Variants in NUP210 observed in about 807,000 individuals in gnomAD.
NUP210 encodes nucleoporin 210, also known as nuclear pore membrane glycoprotein 210.
Under a neutral mutation model 196.0 loss-of-function variants are expected in NUP210, and 151 were observed. The ratio of observed to expected loss-of-function variants is 0.77; its 90% confidence interval spans 0.67 to 0.88. The LOEUF is 0.88. Ranked by LOEUF, NUP210 falls within the 40% of genes least tolerant of loss-of-function variation. The pLI, the probability that NUP210 is intolerant of heterozygous loss-of-function variation, is 0.00. For missense variants in NUP210, 2,314 were observed against 2,493.7 expected, an observed-to-expected ratio of 0.93 and a Z score of 1.53; for synonymous variants, 1,070 against 1,052.7, an observed-to-expected ratio of 1.02 and a Z score of -0.32.
At chr3:13,377,342 C>T in intron 9 of NUP210, 114 bp downstream of exon 9, 4 of 742,282 alleles carry the variant, frequency 5.4e-6, no homozygotes, top group Non-Finnish European at 9.5e-6. Flanking sequence ...AACAGGACCC[C>T]TCCTCGGTCA....
At position 13,339,844 on chromosome 3, in the gene NUP210, C is replaced by A. The variant is rs200363451; in HGVS notation, c.3471+10G>T. ...CACAGCTGCCCAGTCTCCAATAGCA[C>A]GCCTGTTACCTGAGAGATGATGACC... On this transcript the variant is annotated intron_variant, in intron 25 of 39. Coordinates refer to ENST00000254508, the MANE Select transcript of NUP210 (RefSeq NM_024923.4). 1.8e-4 allele frequency: 283 copies of A among 1,608,240 alleles called. No individual in the cohort carries two copies. Among genetic ancestry groups the A allele is most frequent in the Admixed American group, 1.5e-3 (88 of 60,020 alleles).
chr3:13,382,888 T>C (rs1559338675), intron 6 of NUP210, among the ~76,000 whole-genome samples: 1 of 152,134 alleles, frequency 6.6e-6, no homozygotes, highest in Non-Finnish European at 1.5e-5. Context: ...CTCATGCCTA[T>C]TATTCCAGCA....
intron 26 of NUP210, 190 bp from the exon 27 acceptor site, chr3:13,337,108 C>T: frequency 1.8e-6 from 1 of 562,254 alleles, no homozygotes; most frequent in Non-Finnish European, 3.1e-6. Context: ...CTGTTTTCCC[C>T]ATACTGTCCC....
In NUP210 at chr3:13,336,817, G is replaced by T. The variant is rs762178010; in HGVS notation, c.3654C>A (p.Asp1218Glu). 3 of 1,613,796 alleles carry T rather than the reference G, an allele frequency of 1.9e-6. No individual in the cohort carries two copies. Among genetic ancestry groups the T allele is most frequent in the African/African-American group, 1.3e-5 (1 of 75,050 alleles). ...GGTGCCGCCCTCGGAGGTCCAGGAC[G>T]TCCCGCTTGGTGACAGACCAGTGGA... ...LTFHWSVTKR[D>E]VLDLRGRHHE... The change falls in exon 27 of 40, where the codon GAC (aspartate) becomes GAA (glutamate). Residue 1218 changes from aspartate to glutamate, a missense_variant. By Grantham distance (45) the Asp-to-Glu change is conservative. Coordinates refer to ENST00000254508, the MANE Select transcript of NUP210 (RefSeq NM_024923.4).
At chr3:13,376,918 C>A (rs1176469710) in intron 9 of NUP210, among the ~76,000 whole-genome samples, 1 of 152,034 alleles carries the variant, frequency 6.6e-6, no homozygotes, top group Non-Finnish European at 1.5e-5. Context: ...CACTGACGAG[C>A]CTGGAATTTC....
chr3:13,402,104 G>A (rs1699857649), intron 1 of NUP210, among the ~76,000 whole-genome samples: 1 of 152,200 alleles, frequency 6.6e-6, no homozygotes, highest in Non-Finnish European at 1.5e-5. Flanking sequence ...GAGGCTGTGG[G>A]AGGGAGGATC....
intron 1 of NUP210, among the ~76,000 whole-genome samples, chr3:13,405,528 T>A (rs1412896441): frequency 6.6e-6 from 1 of 152,108 alleles, no homozygotes; most frequent in Non-Finnish European, 1.5e-5. Flanking sequence ...ATATATAGGC[T>A]ATATATATAG....
chr3:13,402,398 C>A (rs1699869065), intron 1 of NUP210, among the ~76,000 whole-genome samples: 2 of 152,126 alleles, frequency 1.3e-5, no homozygotes, highest in Admixed American at 6.5e-5. Flanking sequence ...GCCTCTGTCT[C>A]CTCAACAAAA....
At position 13,328,938 on chromosome 3, in the gene NUP210, A is replaced by G. The variant is rs1030284687; in HGVS notation, c.4119T>C (p.Pro1373=). 6.2e-7 allele frequency: 1 copy of G among 1,613,812 alleles called. No homozygotes were observed. The highest frequency in any genetic ancestry group is 8.5e-7 in the Non-Finnish European group (1 of 1,179,874). ...TCATGGAAACCCTCAGGTAGGAAAC[A>G]GGGGATACCTAAGGGACAACATACA... The part of the protein sequence containing the change: ...QTIIVAVKVS[P]VSYLRVSMSP... The change falls in exon 31 of 40, where the codon CCT becomes CCC. Residue 1373 remains proline (P), a synonymous_variant. Coordinates refer to ENST00000254508, the MANE Select transcript of NUP210 (RefSeq NM_024923.4).
At chr3:13,368,169 A>T (rs1425848754) in intron 13 of NUP210, among the ~76,000 whole-genome samples, 1 of 152,048 alleles carries the variant, frequency 6.6e-6, no homozygotes, top group Non-Finnish European at 1.5e-5. Flanking sequence ...TCCACCTCCC[A>T]GGCTCAAGTG....
chr3:13,415,394 C>T (rs558248338), intron 1 of NUP210, among the ~76,000 whole-genome samples: 44 of 152,322 alleles, frequency 2.9e-4, no homozygotes, highest in African/African-American at 1.0e-3. Flanking sequence ...GGTTTCTCCA[C>T]CCCACTTTCT....
intron 6 of NUP210, among the ~76,000 whole-genome samples, chr3:13,381,420 C>CTTTTTTTTTTTT (rs10644995): frequency 3.0e-5 from 4 of 134,434 alleles, no homozygotes; most frequent in Admixed American, 7.5e-5. Context: ...CTTTTCTTTT[C>CTTTTTTTTTTTT]TTTTTTTTTT....
chr3:13,326,090 G>T (rs1306582628), intron 32 of NUP210, among the ~76,000 whole-genome samples, 159 bp from the exon 33 acceptor site: 1 of 152,246 alleles, frequency 6.6e-6, no homozygotes, highest in Non-Finnish European at 1.5e-5. Context: ...GCCTGCCCCA[G>T]TGCCGGTCAT....
intron 14 of NUP210, among the ~76,000 whole-genome samples, chr3:13,361,615 T>C (rs1405639793): frequency 6.6e-6 from 1 of 152,138 alleles, no homozygotes; most frequent in Non-Finnish European, 1.5e-5. Flanking sequence ...AACCTCCCAC[T>C]GCAGAGGGTC....
chr3:13,362,486 C>T (rs1279525240), intron 14 of NUP210, among the ~76,000 whole-genome samples: 1 of 152,202 alleles, frequency 6.6e-6, no homozygotes, highest in Non-Finnish European at 1.5e-5. Context: ...AGCTCCTAAA[C>T]TGCAAGAAAG....
intron 14 of NUP210, among the ~76,000 whole-genome samples, chr3:13,362,632 G>A (rs190369117): frequency 7.9e-5 from 12 of 152,312 alleles, no homozygotes; most frequent in African/African-American, 2.9e-4. Flanking sequence ...ATCTGATATA[G>A]GTTATCGACT....
chr3:13,377,401 C>T (rs1371437559), intron 9 of NUP210, 55 bp downstream of exon 9: 14 of 1,290,864 alleles, frequency 1.1e-5, no homozygotes, highest in East Asian at 2.3e-5. Context: ...TCAGCAGCCG[C>T]GTCAGACAAC....
intron 18 of NUP210, 114 bp from the exon 19 acceptor site, chr3:13,352,298 G>A: frequency 1.4e-6 from 1 of 714,796 alleles, no homozygotes; most frequent in African/African-American, 1.8e-5. Flanking sequence ...ACAAGCCCCT[G>A]GTGCTCCTGA....
At position 13,376,716 on chromosome 3, in the gene NUP210, C is replaced by T. The variant is rs367830843; in HGVS notation, c.1153-285G>A. ...GCACCTGGGGCAGCTTGGAGCCTAC[C>T]GAGGTCTCAAGAAGGAACCAGTAAA... On this transcript the variant is annotated intron_variant, in intron 9 of 39. Coordinates refer to ENST00000254508, the MANE Select transcript of NUP210 (RefSeq NM_024923.4). Among the ~76,000 whole-genome samples the T allele has an allele frequency of 1.3e-4, 20 of 152,252 alleles. 1 individual carries two copies. In the South Asian group the frequency reaches 2.5e-3, roughly 19 times the overall value.
Sources: gnomAD v4.1 joint callset for allele counts (sites outside exome capture counted in the v4.1 genomes callset) on GRCh38, gnomAD v4.1.1 for gene constraint, MANE v1.5 for transcripts, NCBI Gene and HGNC (gene_info 2026-07-23, HGNC 2026-07-21) for gene names.